Variants in SI observed in about 807,000 individuals in gnomAD.
SI encodes sucrase-isomaltase.
In SI, 235 loss-of-function variants were observed where a neutral mutation model predicts 253.3. That is an observed-to-expected ratio of 0.93 (90% CI 0.83 to 1.03). The LOEUF (loss-of-function observed/expected upper bound fraction) is 1.03. Among genes scored for constraint, SI ranks in the 50% least tolerant of loss-of-function variants. The pLI, the probability that SI is intolerant of heterozygous loss-of-function variation, is 0.00. For synonymous variants in SI, 819 were observed against 712.0 expected (o/e 1.15, Z -2.39); for missense variants, 2,442 against 2,211.1 (o/e 1.10, Z -2.09).
At chr3:165,077,672 C>T (rs1256284178) in intron 1 of SI, among the ~76,000 whole-genome samples, 1 of 151,618 alleles carries the variant, frequency 6.6e-6, no homozygotes, top group East Asian at 1.9e-4. Flanking sequence ...GACAAAGTTA[C>T]ATTTAGTGTA....
chr3:165,024,116 G>T (rs1420080249), intron 25 of SI, among the ~76,000 whole-genome samples: 1 of 151,312 alleles, frequency 6.6e-6, no homozygotes, highest in Non-Finnish European at 1.5e-5. Flanking sequence ...TGTTCTTACT[G>T]TTCATATTGA....
intron 33 of SI, among the ~76,000 whole-genome samples, chr3:165,013,295 G>C (rs1718856211): frequency 6.6e-6 from 1 of 151,740 alleles, no homozygotes; most frequent in Non-Finnish European, 1.5e-5. Context: ...TAGTAATTTT[G>C]AAAATAATAC....
chr3:165,078,049 A>C (rs1209892995), intron 1 of SI, among the ~76,000 whole-genome samples: 1 of 151,580 alleles, frequency 6.6e-6, no homozygotes, highest in African/African-American at 2.4e-5. Context: ...AATGTTTTAT[A>C]AATGTAGCAT....
intron 37 of SI, among the ~76,000 whole-genome samples, chr3:165,005,620 T>C (rs889029641): frequency 3.3e-5 from 5 of 152,250 alleles, no homozygotes; most frequent in Non-Finnish European, 7.3e-5. Context: ...ATTTAATTAT[T>C]GTATACTACT....
intron 27 of SI, 87 bp downstream of exon 27, chr3:165,021,142 G>A (rs1711588759): frequency 8.5e-7 from 1 of 1,178,814 alleles, no homozygotes; most frequent in Admixed American, 1.7e-5. Context: ...TGCTACTCTA[G>A]GACAGTGAAG....
chr3:165,035,865 A>G (rs1204990840), intron 22 of SI, among the ~76,000 whole-genome samples: 1 of 151,708 alleles, frequency 6.6e-6, no homozygotes, highest in East Asian at 1.9e-4. Flanking sequence ...TTACTTTTAA[A>G]CATTTTGTTT....
At position 165,030,958 on chromosome 3, in the gene SI, TA is replaced by T; in HGVS notation, c.2737-92del. ...CACTGTATCTGATCATTGGATGATT[TA>T]AAAAAACATTTTACATTTCACAAAA... On this transcript the variant is annotated intron_variant, in intron 24 of 47. Coordinates refer to ENST00000264382, the MANE Select transcript of SI (RefSeq NM_001041.4). The T allele has an allele frequency of 2.1e-6, 3 of 1,443,072 alleles. No homozygotes were observed. In the South Asian group the frequency reaches 4.2e-5, roughly 20 times the overall value. 89.4% of individuals were successfully genotyped at this position (1,443,072 alleles called of 1,614,324 possible).
At chr3:165,084,830 G>A in the SI span, among the ~76,000 whole-genome samples, 4 of 151,886 alleles carry the variant, frequency 2.6e-5, no homozygotes, top group African/African-American at 9.7e-5. Context: ...TCTCTGTAAC[G>A]GTTATTAACT....
chr3:165,089,913 CAA>C, the SI span, among the ~76,000 whole-genome samples: 2 of 152,050 alleles, frequency 1.3e-5, no homozygotes, highest in Admixed American at 1.3e-4. Flanking sequence ...CAGAGAGAAA[CAA>C]GAGAGAGAGA....
intron 41 of SI, among the ~76,000 whole-genome samples, chr3:164,993,766 A>G (rs1717884829): frequency 6.6e-6 from 1 of 151,726 alleles, no homozygotes; most frequent in Non-Finnish European, 1.5e-5. Flanking sequence ...GAGCTTTAAG[A>G]GGTGAATCCA....
In SI at chr3:165,065,444, A is replaced by G; in HGVS notation, c.636-12T>C. ...TGCTGGTGTCAAACCTGCACCATAAAAGAAATAAAGAAATAATCTAATATA... is the reference window on the plus strand; with the variant it reads ...TGCTGGTGTCAAACCTGCACCATAAGAGAAATAAAGAAATAATCTAATATA... On this transcript the variant is annotated splice_polypyrimidine_tract_variant and intron_variant, in intron 6 of 47. Transcript: ENST00000264382. 2 of 871,696 alleles carry G rather than the reference A, an allele frequency of 2.3e-6. No homozygotes were observed. 54.0% of individuals were successfully genotyped at this position (871,696 alleles called of 1,614,324 possible).
At chr3:165,019,855 T>C in intron 27 of SI, 85 bp from the exon 28 acceptor site, 1 of 1,211,006 alleles carries the variant, frequency 8.3e-7, no homozygotes, top group Non-Finnish European at 1.2e-6. Flanking sequence ...CTTTCTTAGA[T>C]TATCTAAAAA....
chr3:165,052,609 T>G (rs1713489564), intron 13 of SI, among the ~76,000 whole-genome samples: 1 of 151,922 alleles, frequency 6.6e-6, no homozygotes. Context: ...GTGAGCCAAG[T>G]TAGCGCCACA....
intron 25 of SI, among the ~76,000 whole-genome samples, chr3:165,024,690 T>C (rs1711809421): frequency 6.6e-6 from 1 of 151,370 alleles, no homozygotes; most frequent in South Asian, 2.1e-4. Context: ...TAATATTTCA[T>C]TCATTATGTT....
chr3:165,010,845 T>C (rs967070852), intron 34 of SI, among the ~76,000 whole-genome samples: 4 of 152,172 alleles, frequency 2.6e-5, no homozygotes, highest in African/African-American at 9.6e-5. Flanking sequence ...CTCCAACACC[T>C]ATATAAAAAT....
At chr3:165,024,879 A>G (rs1035346418) in intron 25 of SI, among the ~76,000 whole-genome samples, 1 of 151,212 alleles carries the variant, frequency 6.6e-6, no homozygotes, top group African/African-American at 2.4e-5. Context: ...TTTTATCCCT[A>G]GTACTACATC....
intron 38 of SI, among the ~76,000 whole-genome samples, chr3:164,997,937 G>T (rs988466207): frequency 6.6e-6 from 1 of 151,630 alleles, no homozygotes; most frequent in East Asian, 1.9e-4. Flanking sequence ...GCGAACTGGC[G>T]AATTCCATGT....
chr3:165,059,245 C>G lies in SI; in HGVS notation c.1201G>C (p.Asp401His). Residue 401 changes from aspartate (D) to histidine (H), a missense_variant, in exon 11 of 48, where the codon GAT (aspartate) becomes CAT (histidine). Physicochemically the swap from Asp to His is moderately conservative, Grantham distance 81. Transcript: ENST00000264382. ...YMEDKKDFTYDQVAFNGLPQF... is the reference protein window; with the variant it reads ...YMEDKKDFTYHQVAFNGLPQF... ...GGGAGTCCGTTAAACGCAACTTGATCATAAGTAAAGTCTTTCTTGTCTTCC... is the reference window on the plus strand; with the variant it reads ...GGGAGTCCGTTAAACGCAACTTGATGATAAGTAAAGTCTTTCTTGTCTTCC... 1 of 1,612,702 alleles carries G rather than the reference C, an allele frequency of 6.2e-7. No individual in the cohort carries two copies.
chr3:165,030,862 G>T lies in SI; in HGVS notation c.2742C>A (p.Leu914=). 1 of 1,304,156 alleles carries T rather than the reference G, an allele frequency of 7.7e-7. No homozygotes were observed. The highest frequency in any genetic ancestry group is 1.0e-6 in the Non-Finnish European group (1 of 983,056). The allele number at this position is 1,304,156 out of a possible 1,614,324, so 80.8% of individuals were successfully genotyped here. Residue 914 remains leucine, a synonymous_variant, in exon 25 of 48, where the codon CTC becomes CTA. Transcript: ENST00000264382. ...NFTYDASNQV[L]LIADLKLNLG... is the part of the protein sequence containing the mutation. ...GATTAAGTTTGAGATCTGCAATTAGGAGAACCTTTGAAGACAAAAAAAAAA... is the reference window on the plus strand; with the variant it reads ...GATTAAGTTTGAGATCTGCAATTAGTAGAACCTTTGAAGACAAAAAAAAAA...
Sources: gnomAD v4.1 joint callset for allele counts (sites outside exome capture counted in the v4.1 genomes callset) on GRCh38, gnomAD v4.1.1 for gene constraint, MANE v1.5 for transcripts, NCBI Gene and HGNC (gene_info 2026-07-23, HGNC 2026-07-21) for gene names.